FAM53B: variants seen among roughly 807,000 people sequenced by gnomAD.
The protein encoded by FAM53B is protein FAM53B.
Under a neutral mutation model 32.7 loss-of-function variants are expected in FAM53B, and 12 were observed. The ratio of observed to expected loss-of-function variants is 0.37; its 90% CI spans 0.24 to 0.59. The LOEUF (loss-of-function observed/expected upper bound fraction) is 0.59, where lower values mean the gene tolerates loss of function less well. Ranked by LOEUF, FAM53B falls within the 20% of genes least tolerant of loss-of-function variation. The probability of loss-of-function intolerance (pLI) is 0.72; values close to 1 mark genes in which losing one functional copy is unlikely to be tolerated. For synonymous variants in FAM53B, 234 were observed against 228.7 expected (o/e 1.02, Z -0.21); for missense variants, 477 against 577.7 (o/e 0.83, Z 1.79).
At chr10:124,693,478 A>AG (rs1404843054) in intron 3 of FAM53B, among the ~76,000 whole-genome samples, 2 of 151,762 alleles carry the variant, frequency 1.3e-5, no homozygotes, top group Non-Finnish European at 2.9e-5. Context: ...AAAAAAAAAA[A>AG]AAAAGAAAAG....
chr10:124,673,420 G>A (rs957994176), intron 4 of FAM53B, among the ~76,000 whole-genome samples: 19 of 152,166 alleles, frequency 1.2e-4, no homozygotes, highest in African/African-American at 4.6e-4. Context: ...CCTCGGAAAC[G>A]TTCAACCCTA....
intron 2 of FAM53B, among the ~76,000 whole-genome samples, chr10:124,699,869 C>A (rs1157248860): frequency 6.6e-6 from 1 of 152,208 alleles, no homozygotes; most frequent in Non-Finnish European, 1.5e-5. Flanking sequence ...AAAGTCCTCC[C>A]AGCTGCTCCC....
chr10:124,682,043 T>C lies in FAM53B; in HGVS notation c.470A>G (p.Asn157Ser), dbSNP rs749887378. 2.9e-5 allele frequency: 46 copies of C among 1,613,688 alleles called. No homozygotes were observed. Among genetic ancestry groups the C allele is most frequent in the Non-Finnish European group, 3.5e-5 (41 of 1,179,690 alleles). Reference sequence around the variant, plus strand: ...ACTCCTCTGCATGGTGCTGAAGCCGTTGGAATAGCGCTGGACGCTGCCCCC... The same window carrying C: ...ACTCCTCTGCATGGTGCTGAAGCCGCTGGAATAGCGCTGGACGCTGCCCCC... ...YSGGSVQRYS[N>S]GFSTMQRSSS... The change falls in exon 4 of 5, where the codon AAC becomes AGC. Residue 157 changes from asparagine to serine, a missense_variant. By Grantham distance (46) the Asn-to-Ser change is conservative. Coordinates refer to ENST00000337318, the MANE Select transcript of FAM53B (RefSeq NM_014661.4). The surrounding 1 kb of genome is among the most constrained non-coding windows in gnomAD (Gnocchi z 5.2).
intron 4 of FAM53B, among the ~76,000 whole-genome samples, chr10:124,632,973 C>T (rs1263779272): frequency 6.6e-6 from 1 of 152,138 alleles, no homozygotes; most frequent in African/African-American, 2.4e-5. Context: ...CTCATGTGTA[C>T]AAGGCTAATA....
At chr10:124,740,076 C>T (rs1172979581) in intron 1 of FAM53B, among the ~76,000 whole-genome samples, 1 of 152,198 alleles carries the variant, frequency 6.6e-6, no homozygotes, top group Non-Finnish European at 1.5e-5. Context: ...CCAGCCTCCT[C>T]GCATCACTCC....
intron 4 of FAM53B, among the ~76,000 whole-genome samples, chr10:124,668,407 C>A (rs1326232604): frequency 6.6e-6 from 1 of 152,222 alleles, no homozygotes; most frequent in Non-Finnish European, 1.5e-5. Flanking sequence ...ATTCTGTTGC[C>A]CAAGACTGTT....
At chr10:124,644,965 C>G (rs1949502317) in intron 4 of FAM53B, among the ~76,000 whole-genome samples, 1 of 152,180 alleles carries the variant, frequency 6.6e-6, no homozygotes, top group African/African-American at 2.4e-5. Context: ...TTGCTCTCCC[C>G]CTGAATGCCA....
At chr10:124,696,239 C>G (rs372304383) in intron 2 of FAM53B, 27 bp from the exon 3 acceptor site, 2 of 1,602,516 alleles carry the variant, frequency 1.2e-6, no homozygotes, top group African/African-American at 2.7e-5. Flanking sequence ...AAGCTATTCA[C>G]TCTTCAAATC....
At chr10:124,714,138 T>C (rs890613606) in intron 1 of FAM53B, 3 of 152,264 alleles carry the variant, frequency 2.0e-5, no homozygotes, top group Non-Finnish European at 2.9e-5. Flanking sequence ...TCAAGCTTCA[T>C]ATCCGCCAAG....
intron 1 of FAM53B, among the ~76,000 whole-genome samples, chr10:124,731,909 T>C (rs141652393): frequency 1.1e-4 from 17 of 152,338 alleles, no homozygotes; most frequent in African/African-American, 4.1e-4. Context: ...AAACATGAAC[T>C]GAACGATGGC....
At chr10:124,639,299 T>C (rs1028438920) in intron 4 of FAM53B, among the ~76,000 whole-genome samples, 6 of 152,162 alleles carry the variant, frequency 3.9e-5, no homozygotes, top group African/African-American at 1.4e-4. Context: ...AAATGTTTCC[T>C]TAAAGAGTAC....
At chr10:124,658,328 C>T (rs1282710855) in intron 4 of FAM53B, among the ~76,000 whole-genome samples, 4 of 152,184 alleles carry the variant, frequency 2.6e-5, no homozygotes, top group African/African-American at 9.7e-5. Context: ...CCCAGGTCAC[C>T]TCAGCAGGAG....
At chr10:124,666,481 G>C (rs1042028029) in intron 4 of FAM53B, among the ~76,000 whole-genome samples, 1 of 152,196 alleles carries the variant, frequency 6.6e-6, no homozygotes, top group Non-Finnish European at 1.5e-5. Flanking sequence ...CGAGTGGCTC[G>C]AGCAGGGGAC....
At chr10:124,659,364 A>T (rs1949614705) in intron 4 of FAM53B, among the ~76,000 whole-genome samples, 1 of 152,242 alleles carries the variant, frequency 6.6e-6, no homozygotes. Context: ...CTTGCCCCTC[A>T]TCTTTTCATT....
chr10:124,667,111 T>G, intron 4 of FAM53B: 1 of 441,342 alleles, frequency 2.3e-6, no homozygotes. Flanking sequence ...GATGGAGCAG[T>G]GGCCAGGCCA....
rs1470708585 is a variant in FAM53B, at chr10:124,619,602, A to G, written c.*3640T>C. Reference sequence around the variant, plus strand: ...AATCATTTGCCAAAAAGACTATGCTAGAAGGTCAGACTATCCTATCTAGGC... The same window carrying G: ...AATCATTTGCCAAAAAGACTATGCTGGAAGGTCAGACTATCCTATCTAGGC... On this transcript the variant is annotated 3_prime_UTR_variant, in exon 5 of 5. Transcript: ENST00000337318. 6.6e-6 allele frequency: 1 copy of G among 152,412 alleles called. No individual in the cohort carries two copies. The highest frequency in any genetic ancestry group is 1.5e-5 in the Non-Finnish European group (1 of 68,014). 9.4% of individuals were successfully genotyped at this position (152,412 alleles called of 1,614,324 possible).
chr10:124,695,659 C>T (rs1358217733), intron 3 of FAM53B, among the ~76,000 whole-genome samples: 1 of 152,158 alleles, frequency 6.6e-6, no homozygotes, highest in Admixed American at 6.5e-5. Context: ...CAATGCGGTA[C>T]TGTAGACCAT....
intron 3 of FAM53B, among the ~76,000 whole-genome samples, chr10:124,683,928 T>C (rs1418799925): frequency 3.9e-5 from 6 of 152,242 alleles, no homozygotes; most frequent in Non-Finnish European, 5.9e-5. Context: ...AGCTACTTGA[T>C]TGACTCAACG....
intron 4 of FAM53B, among the ~76,000 whole-genome samples, chr10:124,629,937 G>A (rs1469362012): frequency 6.6e-6 from 1 of 152,228 alleles, no homozygotes; most frequent in Non-Finnish European, 1.5e-5. Flanking sequence ...TTCCTCTGAG[G>A]CTGCAGGTGC....
Sources: allele counts gnomAD v4.1 joint callset (sites outside exome capture counted in the v4.1 genomes callset), GRCh38; gene constraint gnomAD v4.1.1; non-coding constraint Gnocchi (gnomAD v3.1); transcripts MANE v1.5; gene names NCBI Gene and HGNC (gene_info 2026-07-23, HGNC 2026-07-21).